Variants in ARHGEF6 observed in about 807,000 individuals in gnomAD.
The protein encoded by ARHGEF6 is Rac/Cdc42 guanine nucleotide exchange factor 6.
Under a neutral mutation model 70.3 loss-of-function variants are expected in ARHGEF6, and 9 were observed. The observed-to-expected ratio is 0.13, with a 90% CI of 0.08 to 0.22. ARHGEF6 has a LOEUF of 0.22. Among genes scored for constraint, ARHGEF6 ranks in the 10% least tolerant of loss-of-function variants. The pLI is 1.00. For missense variants in ARHGEF6, 470 were observed against 563.0 expected, an observed-to-expected ratio of 0.83 and a Z score of 1.67; for synonymous variants, 201 against 207.8, an observed-to-expected ratio of 0.97 and a Z score of 0.28.
intron 16 of ARHGEF6, among the ~76,000 whole-genome samples, chrX:136,679,213 C>T (rs2076308974): frequency 1.8e-5 from 2 of 112,114 alleles, no homozygotes; most frequent in Admixed American, 1.9e-4. Flanking sequence ...TGAAGTGGCT[C>T]TTGTTTGAGA....
chrX:136,706,965 A>C lies in ARHGEF6; in HGVS notation c.989T>G (p.Met330Arg), dbSNP rs1164808567. ...ATGGTTTGCACAGTAAGCCAGATAC[A>C]TAGATTTAAAATGAGGCATGAGACT... ...LLSLMPHFKS[M>R]YLAYCANHPS... The change falls in exon 9 of 22, where the codon ATG (methionine) becomes AGG (arginine). Residue 330 changes from methionine to arginine, a missense_variant. By Grantham distance (91) the Met-to-Arg change is moderately conservative (BLOSUM62 -1). This residue lies in a region of ARHGEF6 where 379 missense variants were observed against 449.3 expected (regional missense o/e 0.84). Transcript: ENST00000250617. 8.3e-7 allele frequency: 1 copy of C among 1,209,819 alleles called. No homozygotes were observed.
At chrX:136,757,833 G>A (rs773954262) in intron 2 of ARHGEF6, among the ~76,000 whole-genome samples, 1 of 111,261 alleles carries the variant, frequency 9.0e-6, no homozygotes, top group Non-Finnish European at 1.9e-5. Flanking sequence ...TCACTTTACA[G>A]ACATTGGACA....
At chrX:136,699,200 T>A (rs2076540757) in intron 9 of ARHGEF6, among the ~76,000 whole-genome samples, 1 of 110,846 alleles carries the variant, frequency 9.0e-6, no homozygotes, top group Non-Finnish European at 1.9e-5. Flanking sequence ...GTATATGGAG[T>A]TCATATTTAT....
chrX:136,676,246 T>C (rs2076280842), intron 18 of ARHGEF6, among the ~76,000 whole-genome samples: 1 of 112,396 alleles, frequency 8.9e-6, no homozygotes, highest in African/African-American at 3.2e-5. Flanking sequence ...ATGGGACTTC[T>C]GGAAGGACTT....
At position 136,747,436 on chromosome X, in the gene ARHGEF6, C is replaced by T. The variant is rs2077105103; in HGVS notation, c.334+72G>A. The stretch of plus-strand genomic sequence containing the variant: ...CGAGAACAATCCTGGCCAGAGTTGG[C>T]TCCTAGGGTAATCACAAACACATGG... On this transcript the variant is annotated intron_variant, in intron 3 of 21. Transcript: ENST00000250617. The T allele has an allele frequency of 3.0e-6, 3 of 998,817 alleles. No homozygotes were observed. The East Asian group carries it at 9.2e-5, about 30-fold the overall frequency. The allele number at this position is 998,817 out of a possible 1,213,427, so 82.3% of individuals were successfully genotyped here.
chrX:136,753,723 T>A (rs1441313421), intron 2 of ARHGEF6, among the ~76,000 whole-genome samples: 1 of 112,370 alleles, frequency 8.9e-6, no homozygotes, highest in African/African-American at 3.2e-5. Context: ...TAAATTATAA[T>A]GAGAAATGTG....
chrX:136,671,990 A>T (rs1205500504), intron 20 of ARHGEF6, 30 bp downstream of exon 20: 26 of 1,151,304 alleles, frequency 2.3e-5, no homozygotes, highest in Non-Finnish European at 3.0e-5. Flanking sequence ...CCCAAGAGAA[A>T]CTAGGCAAGG....
chrX:136,677,702 T>C (rs951665065), intron 17 of ARHGEF6, among the ~76,000 whole-genome samples: 4 of 111,438 alleles, frequency 3.6e-5, no homozygotes, highest in Non-Finnish European at 7.5e-5. Context: ...AAAAACAGAA[T>C]TTAAAAAAAA....
intron 21 of ARHGEF6, 92 bp downstream of exon 21, chrX:136,669,390 G>T: frequency 1.2e-6 from 1 of 848,501 alleles, no homozygotes; most frequent in Non-Finnish European, 1.8e-6. Context: ...TCGCTACCTT[G>T]CTCCTAGGCC....
intron 6 of ARHGEF6, among the ~76,000 whole-genome samples, chrX:136,716,221 G>A (rs762979832): frequency 1.4e-4 from 16 of 112,922 alleles, no homozygotes; most frequent in South Asian, 7.2e-4. Context: ...GATTACAGGC[G>A]TGAGCCACTG....
rs1053033954 is a variant in ARHGEF6, at chrX:136,692,397, C to T, written c.1047-1649G>A. 2.7e-5 allele frequency among the ~76,000 whole-genome samples: 3 copies of T among 111,416 alleles called. No homozygotes were observed. In the Admixed American group the frequency reaches 2.9e-4, roughly 11 times the overall value. On this transcript the variant is annotated intron_variant, in intron 9 of 21. Transcript: ENST00000250617. ...ATGAACCACCGCACCCAGCCTGCTG[C>T]TAATCCTTTTATCAGTTTTCGTAGT...
At chrX:136,719,792 A>G (rs2076777446) in intron 6 of ARHGEF6, among the ~76,000 whole-genome samples, 1 of 111,944 alleles carries the variant, frequency 8.9e-6, no homozygotes, top group Non-Finnish European at 1.9e-5. Flanking sequence ...TGTTAGTATC[A>G]GAAATGAAAT....
At chrX:136,686,717 T>TATATACACATATATATATAC (rs1569394244) in intron 11 of ARHGEF6, among the ~76,000 whole-genome samples, 27 of 77,346 alleles carry the variant, frequency 3.5e-4, no homozygotes, top group South Asian at 2.8e-3. Flanking sequence ...TACATATATA[T>TATATACACATATATATATAC]ATATATATAT....
intron 6 of ARHGEF6, among the ~76,000 whole-genome samples, chrX:136,724,578 C>T (rs754049056): frequency 9.0e-6 from 1 of 111,605 alleles, no homozygotes; most frequent in Non-Finnish European, 1.9e-5. Flanking sequence ...GCAGCATTGG[C>T]CTCCCAGACT....
intron 6 of ARHGEF6, among the ~76,000 whole-genome samples, chrX:136,726,155 G>C (rs1202464381): frequency 8.9e-6 from 1 of 111,774 alleles, no homozygotes; most frequent in Non-Finnish European, 1.9e-5. Context: ...ATGAGCTAAT[G>C]TTGGTAAAGT....
At chrX:136,729,787 G>A (rs900579879) in intron 6 of ARHGEF6, among the ~76,000 whole-genome samples, 1 of 108,432 alleles carries the variant, frequency 9.2e-6, no homozygotes, top group African/African-American at 3.4e-5. Context: ...CTGAGATCGT[G>A]CCACTGCACT....
intron 2 of ARHGEF6, among the ~76,000 whole-genome samples, chrX:136,774,508 G>A (rs994072941): frequency 7.4e-5 from 8 of 108,016 alleles, no homozygotes; most frequent in Non-Finnish European, 7.7e-5. Context: ...AAAATTAGCC[G>A]GGCGTGGTGG....
chrX:136,717,929 A>G (rs180932585), intron 6 of ARHGEF6, among the ~76,000 whole-genome samples: 1,936 of 111,909 alleles, frequency 0.017, 20 homozygotes, highest in Non-Finnish European at 0.026. Context: ...CAAAAAGCAA[A>G]AAAATGTGGA....
intron 2 of ARHGEF6, among the ~76,000 whole-genome samples, chrX:136,773,232 T>A (rs2077376501): frequency 8.9e-6 from 1 of 112,236 alleles, no homozygotes; most frequent in South Asian, 3.7e-4. Flanking sequence ...AATAATATTG[T>A]GTTCTAAGCA....
Sources: gnomAD v4.1 joint callset for allele counts (sites outside exome capture counted in the v4.1 genomes callset) on GRCh38, gnomAD v4.1.1 for gene constraint, gnomAD v4.1.1 regional missense constraint, MANE v1.5 for transcripts, NCBI Gene and HGNC (gene_info 2026-07-23, HGNC 2026-07-21) for gene names.